The following MGMT variants were observed in gnomAD, a reference collection of about 807,000 sequenced individuals.
MGMT encodes methylated-DNA--protein-cysteine methyltransferase.
MGMT carries 14 observed loss-of-function variants against 15.9 expected under a neutral mutation model. That is an observed-to-expected ratio of 0.88 (90% CI 0.58 to 1.37). The LOEUF is 1.37. MGMT is among the 40% of genes most tolerant of loss of function. The pLI, the probability that MGMT is intolerant of heterozygous loss-of-function variation, is 0.00. For synonymous variants in MGMT, 130 were observed against 118.2 expected (o/e 1.10, Z -0.65); for missense variants, 282 against 268.1 (o/e 1.05, Z -0.36).
At chr10:129,761,793 G>T (rs1848877046) in intron 4 of MGMT, among the ~76,000 whole-genome samples, 1 of 152,212 alleles carries the variant, frequency 6.6e-6, no homozygotes, top group Non-Finnish European at 1.5e-5. Context: ...GCCGAGGGCA[G>T]CCAGGCGGTG....
In MGMT at chr10:129,563,597, G is replaced by A. The variant is rs1846305142; in HGVS notation, c.125+27220G>A. On this transcript the variant is annotated intron_variant, in intron 2 of 4. Coordinates refer to ENST00000651593, the MANE Select transcript of MGMT (RefSeq NM_002412.5). ...GACCTGGATGTGGTGTGAGCATGCG[G>A]AGCTCCCCTTTCTGCCCAGGCCTTT... 2.0e-5 allele frequency among the ~76,000 whole-genome samples: 3 copies of A among 152,168 alleles called. No homozygotes were observed. The South Asian group carries it at 6.2e-4, about 32-fold the overall frequency.
intron 1 of MGMT, 128 bp from the exon 2 acceptor site, chr10:129,536,113 A>C: frequency 9.1e-7 from 1 of 1,098,106 alleles, no homozygotes; most frequent in Non-Finnish European, 1.3e-6. Flanking sequence ...TGCATCGTAT[A>C]ATTCCAAAAA....
chr10:129,663,498 G>A (rs750674611), intron 2 of MGMT, among the ~76,000 whole-genome samples: 20 of 151,942 alleles, frequency 1.3e-4, no homozygotes, highest in Non-Finnish European at 2.5e-4. Flanking sequence ...AGAAAATAAC[G>A]AAGTAGAGAA....
At chr10:129,601,484 C>G (rs994226224) in intron 2 of MGMT, among the ~76,000 whole-genome samples, 4 of 152,144 alleles carry the variant, frequency 2.6e-5, no homozygotes, top group Non-Finnish European at 4.4e-5. Flanking sequence ...GGGTGTCCAG[C>G]CTTCCTGGCA....
intron 3 of MGMT, among the ~76,000 whole-genome samples, chr10:129,752,736 A>C (rs1187663487): frequency 6.6e-6 from 1 of 152,086 alleles, no homozygotes; most frequent in Non-Finnish European, 1.5e-5. Context: ...AGATCCTTTT[A>C]GCTCTCCCAT....
At position 129,732,886 on chromosome 10, in the gene MGMT, CTCA is replaced by C. The variant is rs1269470549; in HGVS notation, c.274+24848_274+24850del. Among the ~76,000 whole-genome samples, 6 of 145,696 alleles carry C rather than the reference CTCA, an allele frequency of 4.1e-5. No homozygotes were observed. The East Asian group carries it at 1.2e-3, about 30-fold the overall frequency. Reference sequence around the variant, plus strand: ...TCCATGTCCCTACAAAGGACATGAACTCATCATTTTTTATGGCTGCATAGTATT... The same window carrying C: ...TCCATGTCCCTACAAAGGACATGAACTCATTTTTTATGGCTGCATAGTATT... On this transcript the variant is annotated intron_variant, in intron 3 of 4. Transcript: ENST00000651593.
At chr10:129,706,738 C>T (rs961988518) in intron 2 of MGMT, among the ~76,000 whole-genome samples, 1 of 152,158 alleles carries the variant, frequency 6.6e-6, no homozygotes, top group African/African-American at 2.4e-5. Flanking sequence ...ACTCCACAGC[C>T]CCAGGTGGCA....
chr10:129,716,241 G>T (rs1848295155), intron 3 of MGMT, among the ~76,000 whole-genome samples: 1 of 152,180 alleles, frequency 6.6e-6, no homozygotes, highest in African/African-American at 2.4e-5. Context: ...GTTAGGTATT[G>T]GTAACGCCCA....
At chr10:129,600,693 G>T (rs1475183067) in intron 2 of MGMT, among the ~76,000 whole-genome samples, 1 of 152,178 alleles carries the variant, frequency 6.6e-6, no homozygotes, top group Non-Finnish European at 1.5e-5. Context: ...CCCATAGGCT[G>T]CCCGCAAAAT....
rs1175061841 is a variant in MGMT at position 129,564,668 on chromosome 10, CCCTCCTCTCCTTCCTCCT to C, written c.125+28311_125+28328del. Among the ~76,000 whole-genome samples the C allele has an allele frequency of 7.5e-3, 921 of 123,236 alleles. 10 individuals carry two copies. The highest frequency in any genetic ancestry group is 0.028 in the African/African-American group (845 of 30,726). The allele number at this position is 123,236 out of a possible 152,430, so 80.8% of individuals were successfully genotyped here. A position where few individuals can be genotyped will look rare whatever the true frequency, so the allele number is the denominator to read the frequency against. On this transcript the variant is annotated intron_variant, in intron 2 of 4. Transcript: ENST00000651593. ...TTCCTCACCCTCCTCTCCTTCCTCC[CCCTCCTCTCCTTCCTCCT>C]CCTCCTCTCCTTCCTCCTCTTCCTC...
intron 1 of MGMT, among the ~76,000 whole-genome samples, chr10:129,529,793 A>G (rs1338326107): frequency 1.5e-5 from 2 of 133,916 alleles, no homozygotes; most frequent in Non-Finnish European, 3.3e-5. Context: ...TCTACTTGAC[A>G]TCAACAGTGT....
intron 1 of MGMT, among the ~76,000 whole-genome samples, chr10:129,500,630 A>G (rs996446365): frequency 6.6e-6 from 1 of 152,140 alleles, no homozygotes; most frequent in Non-Finnish European, 1.5e-5. Flanking sequence ...ATCTCAGCTC[A>G]CTGTAACCTC....
At chr10:129,728,156 G>A (rs753424458) in intron 3 of MGMT, among the ~76,000 whole-genome samples, 4 of 152,182 alleles carry the variant, frequency 2.6e-5, no homozygotes, top group Non-Finnish European at 4.4e-5. Flanking sequence ...CAGCACCAGG[G>A]GACAAGGGGG....
intron 4 of MGMT, among the ~76,000 whole-genome samples, chr10:129,762,161 C>A (rs1398255664): frequency 6.6e-6 from 1 of 152,242 alleles, no homozygotes; most frequent in African/African-American, 2.4e-5. Context: ...AGGCTGCGCA[C>A]ATCCACTCCA....
chr10:129,597,678 C>T (rs1846767076), intron 2 of MGMT, among the ~76,000 whole-genome samples: 1 of 152,152 alleles, frequency 6.6e-6, no homozygotes, highest in Non-Finnish European at 1.5e-5. Flanking sequence ...TGTCCACCAG[C>T]TGTTTTTGCA....
intron 1 of MGMT, among the ~76,000 whole-genome samples, chr10:129,513,981 A>C (rs1845711545): frequency 6.6e-6 from 1 of 152,224 alleles, no homozygotes; most frequent in Admixed American, 6.5e-5. Flanking sequence ...TTAAAGAAGT[A>C]GTTAATTATC....
At chr10:129,719,273 G>A (rs1848339774) in intron 3 of MGMT, among the ~76,000 whole-genome samples, 1 of 152,358 alleles carries the variant, frequency 6.6e-6, no homozygotes, top group East Asian at 1.9e-4. Flanking sequence ...GCCAGTCCGT[G>A]TGCCTGCTCA....
At chr10:129,744,513 G>A (rs573465186) in intron 3 of MGMT, among the ~76,000 whole-genome samples, 1 of 152,294 alleles carries the variant, frequency 6.6e-6, no homozygotes, top group South Asian at 2.1e-4. Context: ...CCTCCTCCAG[G>A]GACCATACTA....
At chr10:129,488,934 A>G (rs34754346) in intron 1 of MGMT, among the ~76,000 whole-genome samples, 9,066 of 152,268 alleles carry the variant, frequency 0.06, 380 homozygotes, top group Admixed American at 0.077. Flanking sequence ...GACACAGTAA[A>G]TGGTGCTGGA....
Sources: gnomAD v4.1 joint callset for allele counts (sites outside exome capture counted in the v4.1 genomes callset) on GRCh38, gnomAD v4.1.1 for gene constraint, MANE v1.5 for transcripts, NCBI Gene and HGNC (gene_info 2026-07-23, HGNC 2026-07-21) for gene names.